Variants in ZNF260 observed in about 807,000 individuals in gnomAD.
ZNF260 encodes zfp-260.
A neutral mutation model predicts 29.3 loss-of-function variants in ZNF260; 21 were observed. The ratio of observed to expected loss-of-function variants is 0.72; its 90% CI spans 0.51 to 1.03. The LOEUF (loss-of-function observed/expected upper bound fraction) is 1.03, where lower values mean the gene tolerates loss of function less well. Among genes scored for constraint, ZNF260 ranks in the 50% least tolerant of loss-of-function variants. The pLI, the probability that ZNF260 is intolerant of heterozygous loss-of-function variation, is 0.00. For synonymous variants in ZNF260, 156 were observed against 156.8 expected, an observed-to-expected ratio of 0.99 and a Z score of 0.04; for missense variants, 465 against 487.8, an observed-to-expected ratio of 0.95 and a Z score of 0.44.
At chr19:36,519,326 C>T (rs950624625) in intron 2 of ZNF260, among the ~76,000 whole-genome samples, 10 of 152,020 alleles carry the variant, frequency 6.6e-5, no homozygotes, top group African/African-American at 2.4e-4. Context: ...TTTGGTTTAC[C>T]AGTCAACAAT....
rs975548909 is a variant in ZNF260, at chr19:36,511,262, C to G, written c.*2738G>C. ...ACATCAGGCCGGGCACGGTGGCTCA[C>G]GCCTGTAATCCCAGCACTTCGGGAG... On this transcript the variant is annotated 3_prime_UTR_variant, in exon 3 of 3. Transcript: ENST00000523638. 2 of 152,052 alleles carry G rather than the reference C, an allele frequency of 1.3e-5. No homozygotes were observed. Among genetic ancestry groups the G allele is most frequent in the African/African-American group, 2.4e-5 (1 of 41,366 alleles). 9.4% of individuals were successfully genotyped at this position (152,052 alleles called of 1,614,324 possible). A position where few individuals can be genotyped will look rare whatever the true frequency, so the allele number is the denominator to read the frequency against.
Position 36,514,904 on chromosome 19 carries a change from T to G in ZNF260, c.335A>C (p.Glu112Ala), listed in dbSNP as rs755642235. Residue 112 changes from glutamate (E) to alanine (A), a missense_variant, in exon 3 of 3, where the codon GAA (glutamate) becomes GCA (alanine). Transcript: ENST00000523638. ...CATCTGAATAGAAACTTTTTCACAT[T>G]CATAAGGTTTCTCTCCAGTGTGATG... ...QKHHTGEKPY[E>A]CEKVSIQMPT... 1.2e-6 allele frequency: 2 copies of G among 1,614,094 alleles called. No homozygotes were observed. The highest frequency in any genetic ancestry group is 2.2e-5 in the South Asian group (2 of 91,078).
Position 36,514,304 on chromosome 19 carries a change from G to C in ZNF260, c.935C>G (p.Ala312Gly). ...AATAAGTGATGTGATTCGAGAGAAG[G>C]CTTTTCCACATTTATTACATTCATA... is the stretch of plus-strand genomic sequence containing the variant. ...KPYECNKCGK[A>G]FSRITSLIVH... Residue 312 changes from alanine (A) to glycine (G), a missense_variant, in exon 3 of 3, where the codon GCC (alanine) becomes GGC (glycine). Ala to Gly is a moderately conservative substitution (Grantham distance 60, BLOSUM62 0). Transcript: ENST00000523638. 6.2e-7 allele frequency: 1 copy of C among 1,614,100 alleles called. No individual in the cohort carries two copies. Among genetic ancestry groups the C allele is most frequent in the South Asian group, 1.1e-5 (1 of 91,082 alleles).
intron 2 of ZNF260, among the ~76,000 whole-genome samples, chr19:36,520,858 TCAA>T (rs2034633583): frequency 1.6e-5 from 1 of 63,782 alleles, no homozygotes. Context: ...AGATTCCGTC[TCAA>T]AAAAAAAAAA....
chr19:36,527,179 G>A (rs1314828265), intron 1 of ZNF260, among the ~76,000 whole-genome samples: 2 of 152,182 alleles, frequency 1.3e-5, no homozygotes. Flanking sequence ...GCCATGGATG[G>A]CAGTGTAATG....
rs113393842 is a variant in ZNF260, at chr19:36,515,665, C to T, written c.-427G>A. ...CTTAACTTACAAGTCTTTCATGTTG[C>T]GTCTTTATCTGTTTATAAACTTCCC... On this transcript the variant is annotated 5_prime_UTR_variant, in exon 3 of 3. Transcript: ENST00000523638. 1,244 of 164,572 alleles carry T rather than the reference C, an allele frequency of 7.6e-3. 11 individuals are homozygous for T. The highest frequency in any genetic ancestry group is 0.013 in the Non-Finnish European group (891 of 69,286). The allele number at this position is 164,572 out of a possible 1,614,324, so 10.2% of individuals were successfully genotyped here.
intron 2 of ZNF260, among the ~76,000 whole-genome samples, chr19:36,516,352 T>C (rs1202311910): frequency 6.6e-6 from 1 of 152,008 alleles, no homozygotes; most frequent in African/African-American, 2.4e-5. Context: ...TCCCAGCACT[T>C]TGGAAGGGTG....
chr19:36,520,005 G>A (rs1418006699), intron 2 of ZNF260, among the ~76,000 whole-genome samples: 1 of 151,738 alleles, frequency 6.6e-6, no homozygotes, highest in Non-Finnish European at 1.5e-5. Flanking sequence ...TTCGAGACCA[G>A]CCTGGCCAAC....
At chr19:36,526,483 T>G (rs2034735957) in intron 1 of ZNF260, among the ~76,000 whole-genome samples, 1 of 152,156 alleles carries the variant, frequency 6.6e-6, no homozygotes, top group Non-Finnish European at 1.5e-5. Context: ...GAGGTGGCAG[T>G]GAGCCGAGAT....
intron 2 of ZNF260, among the ~76,000 whole-genome samples, chr19:36,519,856 A>G (rs190739721): frequency 6.5e-4 from 99 of 152,320 alleles, no homozygotes; most frequent in African/African-American, 2.3e-3. Flanking sequence ...TCATTTTAAA[A>G]AAAGTAATAA....
At chr19:36,523,616 C>T (rs1234659409) in intron 2 of ZNF260, among the ~76,000 whole-genome samples, 1 of 141,160 alleles carries the variant, frequency 7.1e-6, no homozygotes, top group Non-Finnish European at 1.5e-5. Context: ...CTCACTCTGT[C>T]GCCCAGACTG....
In ZNF260 at chr19:36,513,958, C is replaced by T; in HGVS notation, c.*42G>A. The T allele has an allele frequency of 6.4e-7, 1 of 1,571,916 alleles. No individual in the cohort carries two copies. The highest frequency in any genetic ancestry group is 8.6e-7 in the Non-Finnish European group (1 of 1,157,326). On this transcript the variant is annotated 3_prime_UTR_variant, in exon 3 of 3. Coordinates refer to ENST00000523638, the MANE Select transcript of ZNF260 (RefSeq NM_001166037.2). The stretch of plus-strand genomic sequence containing the variant: ...TCCAATACACTATTAAGTGTAAAAT[C>T]TGCTGAACGTTTTGCTAAATCCAAG...
At chr19:36,519,169 C>A (rs771549507) in intron 2 of ZNF260, among the ~76,000 whole-genome samples, 9 of 152,218 alleles carry the variant, frequency 5.9e-5, no homozygotes, top group Non-Finnish European at 1.2e-4. Flanking sequence ...CCAACTTAGA[C>A]TTCTAGGTTT....
intron 2 of ZNF260, among the ~76,000 whole-genome samples, chr19:36,523,855 C>T (rs984063110): frequency 9.9e-5 from 15 of 152,030 alleles, no homozygotes; most frequent in Admixed American, 5.9e-4. Context: ...GGATTACAGG[C>T]GTGCACCACC....
In ZNF260 at chr19:36,515,268, A is replaced by T; in HGVS notation, c.-30T>A. On this transcript the variant is annotated 5_prime_UTR_variant, in exon 3 of 3. Transcript: ENST00000523638. ...GTGAATTTAATCAGGAGATTTCCCTAGTATCAAATAAGATGTAATAAGGAT... is the reference window on the plus strand; with the variant it reads ...GTGAATTTAATCAGGAGATTTCCCTTGTATCAAATAAGATGTAATAAGGAT... 1 of 1,504,702 alleles carries T rather than the reference A, an allele frequency of 6.6e-7. No individual in the cohort carries two copies. The highest frequency in any genetic ancestry group is 8.9e-7 in the Non-Finnish European group (1 of 1,127,064). The allele number at this position is 1,504,702 out of a possible 1,614,324, so 93.2% of individuals were successfully genotyped here. A position where few individuals can be genotyped will look rare whatever the true frequency, so the allele number is the denominator to read the frequency against.
In ZNF260 at chr19:36,512,248, A is replaced by G. The variant is rs545106294; in HGVS notation, c.*1752T>C. 1.3e-5 allele frequency: 2 copies of G among 152,296 alleles called. No homozygotes were observed. The highest frequency in any genetic ancestry group is 4.8e-5 in the African/African-American group (2 of 41,556). 9.4% of individuals were successfully genotyped at this position (152,296 alleles called of 1,614,324 possible). ...ATATTTTAAAGATAAGATTTTAGAA[A>G]TATCTTCTACAGAATATTAGTATCT... On this transcript the variant is annotated 3_prime_UTR_variant, in exon 3 of 3. Coordinates refer to ENST00000523638, the MANE Select transcript of ZNF260 (RefSeq NM_001166037.2).
In ZNF260 at chr19:36,513,232, T is replaced by C. The variant is rs2034481702; in HGVS notation, c.*768A>G. The C allele has an allele frequency of 6.6e-6, 1 of 152,212 alleles. No homozygotes were observed. Among genetic ancestry groups the C allele is most frequent in the Admixed American group, 6.5e-5 (1 of 15,270 alleles). 9.4% of individuals were successfully genotyped at this position (152,212 alleles called of 1,614,324 possible). ...ACTGGGGGTCTTAGAGTCCATCTCTTGCAGAAAATAGGGGACTACCATACT... is the reference window on the plus strand; with the variant it reads ...ACTGGGGGTCTTAGAGTCCATCTCTCGCAGAAAATAGGGGACTACCATACT... On this transcript the variant is annotated 3_prime_UTR_variant, in exon 3 of 3. Coordinates refer to ENST00000523638, the MANE Select transcript of ZNF260 (RefSeq NM_001166037.2).
chr19:36,514,282 A>T lies in ZNF260; in HGVS notation c.957T>A (p.Leu319=). ...CTGTATGAATTCTCACATGTACAAT[A>T]AGTGATGTGATTCGAGAGAAGGCTT... ...CGKAFSRITS[L]IVHVRIHTGD... The change falls in exon 3 of 3, where the codon CTT becomes CTA. Residue 319 remains leucine (L), a synonymous_variant. Coordinates refer to ENST00000523638, the MANE Select transcript of ZNF260 (RefSeq NM_001166037.2). The T allele has an allele frequency of 6.2e-7, 1 of 1,614,066 alleles. No individual in the cohort carries two copies. The highest frequency in any genetic ancestry group is 8.5e-7 in the Non-Finnish European group (1 of 1,179,990).
intron 2 of ZNF260, among the ~76,000 whole-genome samples, chr19:36,523,767 T>G (rs2945980): frequency 0.64 from 97,552 of 151,408 alleles, 31,928 homozygotes; most frequent in Non-Finnish European, 0.68. Flanking sequence ...TAGTAGAGAC[T>G]GGGTTTCACC....
Sources: gnomAD v4.1 joint callset for allele counts (sites outside exome capture counted in the v4.1 genomes callset) on GRCh38, gnomAD v4.1.1 for gene constraint, MANE v1.5 for transcripts, NCBI Gene and HGNC (gene_info 2026-07-23, HGNC 2026-07-21) for gene names.